Variants in PAK3 observed in about 807,000 individuals in gnomAD.
The protein encoded by PAK3 is serine/threonine-protein kinase PAK 3.
Under a neutral mutation model 41.0 loss-of-function variants are expected in PAK3, and 4 were observed. The ratio of observed to expected loss-of-function variants is 0.10; its 90% CI spans 0.05 to 0.22. The LOEUF is 0.22. Ranked by LOEUF, PAK3 falls within the 10% of genes least tolerant of loss-of-function variation. PAK3 has a pLI of 1.00. For synonymous variants in PAK3, 146 were observed against 139.6 expected (o/e 1.05, Z -0.32); for missense variants, 205 against 409.9 (o/e 0.50, Z 4.32).
In PAK3 at chrX:110,976,100, A is replaced by T. The variant is rs375168501; in HGVS notation, c.-28+31472A>T. ...AAAAGCAATGGCAACAAAAGCCAAA[A>T]CAGACAAATGAGATCTAATTAAACT... On this transcript the variant is annotated intron_variant, in intron 1 of 14. Coordinates refer to the PAK3 transcript ENST00000425146. Among the ~76,000 whole-genome samples the T allele has an allele frequency of 4.5e-3, 501 of 112,473 alleles. 3 individuals carry two copies. Among genetic ancestry groups the T allele is most frequent in the African/African-American group, 0.015 (479 of 30,959 alleles).
rs1569458219 is a variant in PAK3, at chrX:111,194,364, T to C, written c.1056T>C (p.Asp352=). ...ACTTGGCTGGTGGCTCTCTGACTGA[T>C]GTGGTCACAGAGACCTGTATGGATG... is the stretch of plus-strand genomic sequence containing the variant. ...MEYLAGGSLT[D]VVTETCMDEG... The change falls in exon 14 of 18, where the codon GAT becomes GAC. Residue 352 remains aspartate (D), a synonymous_variant. Transcript: ENST00000372007. 1.7e-6 allele frequency: 2 copies of C among 1,187,968 alleles called. No homozygotes were observed. The highest frequency in any genetic ancestry group is 1.1e-6 in the Non-Finnish European group (1 of 873,879).
At chrX:111,152,344 TG>T in intron 7 of PAK3, 65 bp from the exon 8 acceptor site, 4 of 725,670 alleles carry the variant, frequency 5.5e-6, no homozygotes, top group Non-Finnish European at 8.7e-6. Flanking sequence ...TTTATTTTTC[TG>T]GTGTGGTCTC....
chrX:110,959,673 C>T (rs1301826335), intron 1 of PAK3, among the ~76,000 whole-genome samples: 1 of 111,244 alleles, frequency 9.0e-6, no homozygotes, highest in African/African-American at 3.3e-5. Flanking sequence ...ACCACTGGTA[C>T]CTGCTTGCCT....
chrX:111,006,554 A>G (rs890850211), intron 1 of PAK3, among the ~76,000 whole-genome samples: 1 of 112,111 alleles, frequency 8.9e-6, no homozygotes, highest in African/African-American at 3.2e-5. Flanking sequence ...TTGAAATACA[A>G]AATTCTTTTT....
intron 1 of PAK3, among the ~76,000 whole-genome samples, chrX:111,050,848 T>C (rs759437786): frequency 1.5e-4 from 17 of 112,202 alleles, no homozygotes; most frequent in Non-Finnish European, 2.3e-4. Flanking sequence ...GGCAAGACAA[T>C]GAGTGTTTGG....
chrX:111,031,211 T>C (rs1415337019), intron 1 of PAK3, among the ~76,000 whole-genome samples: 1 of 111,854 alleles, frequency 8.9e-6, no homozygotes, highest in Non-Finnish European at 1.9e-5. Flanking sequence ...GGAACTAGAA[T>C]ACAGTAAGTG....
In PAK3 at chrX:110,978,513, C is replaced by A. The variant is rs1373380580; in HGVS notation, c.-28+33885C>A. On this transcript the variant is annotated intron_variant, in intron 1 of 14. Transcript: ENST00000425146. ...GGTTGATTTTGTAATATTGAACTAA[C>A]TTTGCATCCATGGAATAAACCGTAG... Among the ~76,000 whole-genome samples the A allele has an allele frequency of 4.5e-5, 5 of 111,136 alleles. No individual in the cohort carries two copies. In the Admixed American group the frequency reaches 4.8e-4, roughly 11 times the overall value.
chrX:111,169,767 A>G (rs1277055003), intron 10 of PAK3, among the ~76,000 whole-genome samples: 1 of 112,110 alleles, frequency 8.9e-6, no homozygotes, highest in East Asian at 2.8e-4. Context: ...CTGGCATTGT[A>G]GAAGAGGAAA....
At chrX:111,204,878 G>GTTT (rs1163687252) in intron 16 of PAK3, among the ~76,000 whole-genome samples, 20 of 37,665 alleles carry the variant, frequency 5.3e-4, no homozygotes, top group South Asian at 1.5e-3. Context: ...CCTTTGCTTT[G>GTTT]TTTTTTTTTT....
chrX:110,956,662 G>T (rs1013664456), intron 1 of PAK3, among the ~76,000 whole-genome samples: 1 of 111,237 alleles, frequency 9.0e-6, no homozygotes, highest in Non-Finnish European at 1.9e-5. Flanking sequence ...CCTGCTTTAC[G>T]ACTCCCACTG....
chrX:111,205,633 T>G (rs1054448752), intron 16 of PAK3, among the ~76,000 whole-genome samples: 1 of 111,409 alleles, frequency 9.0e-6, no homozygotes, highest in Non-Finnish European at 1.9e-5. Context: ...GATAATAATC[T>G]TGGGAAGAAG....
At chrX:110,950,217 C>T (rs1392679331) in intron 1 of PAK3, among the ~76,000 whole-genome samples, 1 of 111,793 alleles carries the variant, frequency 8.9e-6, no homozygotes, top group Non-Finnish European at 1.9e-5. Flanking sequence ...CCTTGTCTCT[C>T]CAACACTGAT....
At chrX:110,949,167 G>T (rs2090687936) in intron 1 of PAK3, among the ~76,000 whole-genome samples, 1 of 111,419 alleles carries the variant, frequency 9.0e-6, no homozygotes, top group Non-Finnish European at 1.9e-5. Flanking sequence ...TGGCTCATTT[G>T]GTGGGACTTG....
intron 1 of PAK3, among the ~76,000 whole-genome samples, chrX:111,003,866 T>A (rs2091884980): frequency 8.9e-6 from 1 of 112,224 alleles, no homozygotes; most frequent in African/African-American, 3.2e-5. Flanking sequence ...GAGGACACAT[T>A]CTGCAACGAG....
rs2094921628 is a variant in PAK3 at position 111,220,801 on chromosome X, TAGAG to T, written c.*357_*360del. 5.4e-6 allele frequency: 1 copy of T among 185,433 alleles called. No individual in the cohort carries two copies. The highest frequency in any genetic ancestry group is 3.0e-5 in the African/African-American group (1 of 33,293). 15.3% of individuals were successfully genotyped at this position (185,433 alleles called of 1,213,427 possible). ...CATAGTGTTGTGTTTGTTTTTAAGT[TAGAG>T]AGTAGTCCCTCTTGCATTCAAACCT... On this transcript the variant is annotated 3_prime_UTR_variant, in exon 18 of 18. Transcript: ENST00000372007.
rs1195603197 is a variant in PAK3, at chrX:111,135,017, G to T, written c.176-7079G>T. On this transcript the variant is annotated intron_variant, in intron 5 of 17. Transcript: ENST00000372007. ...CTGAAGGCAATGGGGGAATATTGAA[G>T]CAGGGCAATGATATCAGATTTGTGT... 3.6e-5 allele frequency among the ~76,000 whole-genome samples: 4 copies of T among 111,155 alleles called. No homozygotes were observed. In the Admixed American group the frequency reaches 3.8e-4, roughly 11 times the overall value.
chrX:111,207,265 C>T (rs1483789027), intron 16 of PAK3, among the ~76,000 whole-genome samples: 4 of 110,156 alleles, frequency 3.6e-5, no homozygotes, highest in Admixed American at 2.0e-4. Flanking sequence ...CACACACACA[C>T]AGTTGAGCCT....
intron 16 of PAK3, among the ~76,000 whole-genome samples, chrX:111,206,077 T>C (rs1467583794): frequency 9.0e-6 from 1 of 111,296 alleles, no homozygotes; most frequent in East Asian, 2.8e-4. Context: ...AGTCACAGAA[T>C]GGGACCTAGG....
chrX:111,092,044 A>G (rs1231360169), upstream of PAK3, among the ~76,000 whole-genome samples: 1 of 111,530 alleles, frequency 9.0e-6, no homozygotes, highest in Non-Finnish European at 1.9e-5. Flanking sequence ...GTTATTCATT[A>G]CTGCCTTGCA....
Sources: gnomAD v4.1 joint callset for allele counts (sites outside exome capture counted in the v4.1 genomes callset) on GRCh38, gnomAD v4.1.1 for gene constraint, MANE v1.5 for transcripts, NCBI Gene and HGNC (gene_info 2026-07-23, HGNC 2026-07-21) for gene names.